The following APBB2 variants were observed in gnomAD, a reference collection of about 807,000 sequenced individuals.
The protein encoded by APBB2 is amyloid beta precursor protein binding family B member 2, also known as Fe65-like 1.
A neutral mutation model predicts 82.5 loss-of-function variants in APBB2; 38 were observed. That is an observed-to-expected ratio of 0.46 (90% CI 0.36 to 0.60). The LOEUF (loss-of-function observed/expected upper bound fraction) is 0.60. Ranked by LOEUF, APBB2 falls within the 20% of genes least tolerant of loss-of-function variation. The probability of loss-of-function intolerance (pLI) is 0.00; values close to 1 mark genes in which losing one functional copy is unlikely to be tolerated. For missense variants in APBB2, 772 were observed against 972.3 expected (o/e 0.79, Z 2.74); for synonymous variants, 341 against 368.2 (o/e 0.93, Z 0.85).
At chr4:41,049,358 C>CCCG (rs1724917310) in intron 4 of APBB2, among the ~76,000 whole-genome samples, 2 of 149,502 alleles carry the variant, frequency 1.3e-5, no homozygotes, top group African/African-American at 2.5e-5. Flanking sequence ...GGCAGCCGCC[C>CCCG]CGTCCGGGAG....
At chr4:41,148,678 A>T (rs1761444855) in intron 1 of APBB2, among the ~76,000 whole-genome samples, 2 of 152,322 alleles carry the variant, frequency 1.3e-5, no homozygotes, top group South Asian at 4.1e-4. Context: ...AACACCAGGT[A>T]TTGTGACGTT....
At chr4:40,964,366 C>T (rs1794065177) in intron 6 of APBB2, among the ~76,000 whole-genome samples, 1 of 152,140 alleles carries the variant, frequency 6.6e-6, no homozygotes, top group Non-Finnish European at 1.5e-5. Context: ...TCATCTGATT[C>T]AACCAACAAT....
chr4:40,982,380 AAGG>A (rs1475136417), intron 6 of APBB2, among the ~76,000 whole-genome samples: 283 of 14,952 alleles, frequency 0.019, 11 homozygotes, highest in African/African-American at 0.039. Context: ...GGAAGGAAGG[AAGG>A]AAGGAAGGAA....
intron 5 of APBB2, among the ~76,000 whole-genome samples, chr4:41,024,317 T>C (rs1713051156): frequency 6.6e-6 from 1 of 152,040 alleles, no homozygotes; most frequent in African/African-American, 2.4e-5. Context: ...CAAAACAAAT[T>C]GACAAGTGGG....
At chr4:41,049,389 C>A (rs1311807695) in intron 4 of APBB2, among the ~76,000 whole-genome samples, 2 of 121,480 alleles carry the variant, frequency 1.6e-5, no homozygotes, top group Admixed American at 1.6e-4. Flanking sequence ...AGCCCCCGCC[C>A]AGCCAGCCCT....
intron 4 of APBB2, among the ~76,000 whole-genome samples, chr4:41,040,116 T>G (rs1422424887): frequency 6.6e-6 from 1 of 152,116 alleles, no homozygotes; most frequent in African/African-American, 2.4e-5. Flanking sequence ...ATTGTCTTTC[T>G]GACATTAGTG....
intron 12 of APBB2, chr4:40,880,771 T>C: frequency 2.0e-6 from 2 of 985,364 alleles, no homozygotes; most frequent in Non-Finnish European, 2.4e-6. Flanking sequence ...TCATCAGACT[T>C]TTCTGCTCTC....
At chr4:41,206,376 T>C (rs1455964802) in intron 1 of APBB2, among the ~76,000 whole-genome samples, 1 of 152,228 alleles carries the variant, frequency 6.6e-6, no homozygotes, top group Non-Finnish European at 1.5e-5. Context: ...TTCTGGTACA[T>C]TCCTCTCTGT....
chr4:41,187,617 T>A (rs1773250230), intron 1 of APBB2, among the ~76,000 whole-genome samples: 1 of 152,340 alleles, frequency 6.6e-6, no homozygotes, highest in Non-Finnish European at 1.5e-5. Context: ...ACTGTAATAC[T>A]ATCTATTGAA....
intron 1 of APBB2, 124 bp downstream of exon 1, chr4:41,214,281 G>A (rs1780100194): frequency 6.6e-6 from 1 of 152,298 alleles, no homozygotes; most frequent in African/African-American, 2.4e-5. Flanking sequence ...GGGAGCAGAG[G>A]AGAAGCCGCC....
At chr4:41,038,418 T>C (rs1720090235) in intron 4 of APBB2, among the ~76,000 whole-genome samples, 1 of 152,132 alleles carries the variant, frequency 6.6e-6, no homozygotes, top group Admixed American at 6.6e-5. Context: ...TGTGCCTAGC[T>C]CTTTGTCCAA....
chr4:41,125,020 T>C (rs935857322), intron 2 of APBB2, among the ~76,000 whole-genome samples: 5 of 152,224 alleles, frequency 3.3e-5, no homozygotes, highest in African/African-American at 1.2e-4. Context: ...AAGGGTACAA[T>C]GCGTTGCCTA....
At chr4:41,000,080 T>TGC in intron 6 of APBB2, among the ~76,000 whole-genome samples, 1 of 135,536 alleles carries the variant, frequency 7.4e-6, no homozygotes, top group African/African-American at 2.8e-5. Flanking sequence ...TGTGTGTGTG[T>TGC]GTGTGTGTGT....
chr4:40,907,176 T>C (rs569076448), intron 10 of APBB2, among the ~76,000 whole-genome samples: 1 of 151,910 alleles, frequency 6.6e-6, no homozygotes, highest in East Asian at 1.9e-4. Context: ...AGGGTAGTTG[T>C]TAAGACTGAA....
At chr4:40,851,294 C>A (rs962437243) in intron 12 of APBB2, among the ~76,000 whole-genome samples, 1 of 152,100 alleles carries the variant, frequency 6.6e-6, no homozygotes, top group African/African-American at 2.4e-5. Flanking sequence ...ACCAAACAAC[C>A]TTTTGCTCAA....
intron 6 of APBB2, among the ~76,000 whole-genome samples, chr4:41,003,679 C>G (rs1483521860): frequency 6.6e-6 from 1 of 152,144 alleles, no homozygotes; most frequent in Admixed American, 6.5e-5. Context: ...TACCCTAAAG[C>G]CTTCAAAGGG....
chr4:40,879,617 A>C (rs1291478334), intron 12 of APBB2, among the ~76,000 whole-genome samples: 5 of 152,194 alleles, frequency 3.3e-5, no homozygotes, highest in Admixed American at 6.5e-5. Flanking sequence ...AGACAGAATA[A>C]TACTAAGCTC....
chr4:41,171,198 A>AT (rs1324229730), intron 1 of APBB2, among the ~76,000 whole-genome samples: 2 of 152,244 alleles, frequency 1.3e-5, no homozygotes, highest in African/African-American at 2.4e-5. Flanking sequence ...GTTAACAAGA[A>AT]TCTGCTCCCC....
intron 10 of APBB2, among the ~76,000 whole-genome samples, chr4:40,905,930 AATGAGTTTG>A (rs951857368): frequency 4.6e-5 from 7 of 152,074 alleles, no homozygotes; most frequent in African/African-American, 1.7e-4. Flanking sequence ...GGGAAGCGAG[AATGAGTTTG>A]ATGAAGGTCA....
Sources: allele counts gnomAD v4.1 joint callset (sites outside exome capture counted in the v4.1 genomes callset), GRCh38; gene constraint gnomAD v4.1.1; transcripts MANE v1.5; gene names NCBI Gene and HGNC (gene_info 2026-07-23, HGNC 2026-07-21).